The following NCOA7 variants were observed in gnomAD, a reference collection of about 807,000 sequenced individuals.
NCOA7 encodes the protein 140 kDa estrogen receptor-associated protein.
NCOA7 carries 45 observed loss-of-function variants against 104.3 expected under a neutral mutation model. That is an observed-to-expected ratio of 0.43 (90% CI 0.34 to 0.55). The LOEUF is 0.55. Among genes scored for constraint, NCOA7 ranks in the 20% least tolerant of loss-of-function variants. The probability of loss-of-function intolerance (pLI) is 0.02; values close to 1 mark genes in which losing one functional copy is unlikely to be tolerated. For synonymous variants in NCOA7, 398 were observed against 402.3 expected (o/e 0.99, Z 0.13); for missense variants, 1,041 against 1,119.7 (o/e 0.93, Z 1.00).
At chr6:125,830,467 T>C (rs1424579041) in intron 2 of NCOA7, among the ~76,000 whole-genome samples, 1 of 152,116 alleles carries the variant, frequency 6.6e-6, no homozygotes, top group Non-Finnish European at 1.5e-5. Context: ...GGTGGAAGGA[T>C]TGTTTGAGGC....
chr6:125,860,496 C>A (rs556609519), intron 3 of NCOA7, among the ~76,000 whole-genome samples: 1 of 152,184 alleles, frequency 6.6e-6, no homozygotes, highest in Non-Finnish European at 1.5e-5. Context: ...TACAGGCACA[C>A]GCCACCATAC....
intron 2 of NCOA7, among the ~76,000 whole-genome samples, chr6:125,842,388 G>A (rs930387993): frequency 1.3e-5 from 2 of 152,136 alleles, no homozygotes; most frequent in African/African-American, 4.8e-5. Flanking sequence ...ACATTTTGCT[G>A]TTCTTCCAGA....
intron 2 of NCOA7, among the ~76,000 whole-genome samples, chr6:125,816,083 T>C (rs979795881): frequency 2.6e-5 from 4 of 152,230 alleles, no homozygotes; most frequent in African/African-American, 9.6e-5. Context: ...AAAAACATTA[T>C]GTTTCTCCTA....
At chr6:125,847,635 C>A (rs1317938893) in intron 2 of NCOA7, among the ~76,000 whole-genome samples, 2 of 152,130 alleles carry the variant, frequency 1.3e-5, no homozygotes, top group Non-Finnish European at 2.9e-5. Flanking sequence ...CTTCCTTACA[C>A]CTTATACAAA....
chr6:125,892,496 C>A (rs1220105814), intron 10 of NCOA7, among the ~76,000 whole-genome samples: 1 of 152,008 alleles, frequency 6.6e-6, no homozygotes, highest in East Asian at 1.9e-4. Context: ...CATGGTGAAA[C>A]CCCATCTCTA....
At chr6:125,822,453 A>C (rs988206786) in intron 2 of NCOA7, among the ~76,000 whole-genome samples, 1 of 152,210 alleles carries the variant, frequency 6.6e-6, no homozygotes. Context: ...ATAAATATAA[A>C]TGCAGGTAAT....
intron 4 of NCOA7, 97 bp from the exon 5 acceptor site, chr6:125,878,165 GT>G (rs1448725163): frequency 8.1e-6 from 5 of 615,536 alleles, no homozygotes; most frequent in African/African-American, 5.7e-5. Context: ...GGAACTATTA[GT>G]TTGTTATTTA....
chr6:125,787,125 GAA>G (rs78334930), upstream of NCOA7, among the ~76,000 whole-genome samples: 38 of 118,812 alleles, frequency 3.2e-4, no homozygotes, highest in African/African-American at 9.5e-4. Flanking sequence ...CTGTCTGGAA[GAA>G]AAAAAAAAAA....
chr6:125,817,436 A>G (rs1777696675), intron 2 of NCOA7, among the ~76,000 whole-genome samples: 1 of 152,146 alleles, frequency 6.6e-6, no homozygotes, highest in South Asian at 2.1e-4. Context: ...TGGTGTCAAT[A>G]TTTTTTATTT....
intron 8 of NCOA7, among the ~76,000 whole-genome samples, chr6:125,888,674 A>G (rs752916926): frequency 2.6e-5 from 4 of 152,124 alleles, no homozygotes; most frequent in Non-Finnish European, 4.4e-5. Flanking sequence ...ATAACTTCCA[A>G]TTCCATCATG....
intron 3 of NCOA7, among the ~76,000 whole-genome samples, chr6:125,868,755 A>G (rs1461505839): frequency 6.6e-6 from 1 of 152,236 alleles, no homozygotes; most frequent in African/African-American, 2.4e-5. Flanking sequence ...AAATCTATAG[A>G]GACACAGACA....
chr6:125,883,713 C>CTTTTTT (rs35489978), intron 7 of NCOA7, among the ~76,000 whole-genome samples: 4 of 85,948 alleles, frequency 4.7e-5, no homozygotes, highest in Non-Finnish European at 6.7e-5. Context: ...ACCTACACCT[C>CTTTTTT]TTTTTTTTTT....
chr6:125,886,164 GAAAAAAA>G (rs57159294), intron 8 of NCOA7, among the ~76,000 whole-genome samples: 5 of 115,932 alleles, frequency 4.3e-5, no homozygotes, highest in Non-Finnish European at 9.2e-5. Context: ...GGGCTTATAT[GAAAAAAA>G]AAAAAAAAAA....
At chr6:125,884,443 T>G (rs4285341) in intron 7 of NCOA7, among the ~76,000 whole-genome samples, 47,247 of 152,094 alleles carry the variant, frequency 0.31, 8,971 homozygotes, top group East Asian at 0.51. Context: ...AATAAATTAT[T>G]TGCCTAAAGG....
At chr6:125,882,674 C>G in intron 7 of NCOA7, 123 bp downstream of exon 7, 1 of 1,199,676 alleles carries the variant, frequency 8.3e-7, no homozygotes, top group Admixed American at 2.8e-5. Context: ...TTAGGTTTGA[C>G]AAGCATCCAT....
At position 125,928,244 on chromosome 6, in the gene NCOA7, G is replaced by A; in HGVS notation, c.2690G>A (p.Gly897Glu). Residue 897 changes from glycine (G) to glutamate (E), a missense_variant, in exon 15 of 16, where the codon GGA becomes GAA. Physicochemically the swap from Gly to Glu is moderately conservative, Grantham distance 98. Around this residue, in one of 2 missense-constraint regions of NCOA7, gnomAD observed 127 missense variants for 177.0 expected, o/e 0.72. Transcript: ENST00000392477. ...GDISSLELGGGGGRFGLWLDA... is the reference protein window; with the variant it reads ...GDISSLELGGEGGRFGLWLDA... ...ATAAGTTCTTTAGAACTTGGTGGTG[G>A]AGGGTAAGGTTTTTTTTGTTTTTGT... 1 of 1,608,710 alleles carries A rather than the reference G, an allele frequency of 6.2e-7. No homozygotes were observed.
chr6:125,910,024 A>C (rs534935216), intron 10 of NCOA7, among the ~76,000 whole-genome samples: 4 of 152,310 alleles, frequency 2.6e-5, no homozygotes, highest in African/African-American at 9.6e-5. Flanking sequence ...TCATTACCCA[A>C]ATTAGGGAGA....
In NCOA7 at chr6:125,889,695, T is replaced by A. The variant is rs1784491004; in HGVS notation, c.1641T>A (p.Asp547Glu). 1 of 1,613,876 alleles carries A rather than the reference T, an allele frequency of 6.2e-7. No individual in the cohort carries two copies. Among genetic ancestry groups the A allele is most frequent in the African/African-American group, 1.3e-5 (1 of 74,904 alleles). The change falls in exon 9 of 16, where the codon GAT (aspartate) becomes GAA (glutamate). Residue 547 changes from aspartate to glutamate, a missense_variant. Coordinates refer to ENST00000392477, the MANE Select transcript of NCOA7 (RefSeq NM_181782.5). Reference sequence around the variant, plus strand: ...ATTTGCAGAAAACAGAATTAAGTGATGGAAAAAGTATTGAACCAGGGGGAA... The same window carrying A: ...ATTTGCAGAAAACAGAATTAAGTGAAGGAAAAAGTATTGAACCAGGGGGAA... The part of the protein sequence containing the change: ...SENLQKTELS[D>E]GKSIEPGGID...
intron 10 of NCOA7, among the ~76,000 whole-genome samples, chr6:125,893,625 G>A (rs535249855): frequency 6.6e-6 from 1 of 152,250 alleles, no homozygotes; most frequent in African/African-American, 2.4e-5. Flanking sequence ...GTGGTAGTAA[G>A]GACAGCAACG....
Sources: allele counts gnomAD v4.1 joint callset (sites outside exome capture counted in the v4.1 genomes callset), GRCh38; gene constraint gnomAD v4.1.1; regional missense constraint gnomAD v4.1.1; transcripts MANE v1.5; gene names NCBI Gene and HGNC (gene_info 2026-07-23, HGNC 2026-07-21).